Variants in SYT14 observed in about 807,000 individuals in gnomAD.
SYT14 encodes synaptotagmin-14.
In SYT14, 32 loss-of-function variants were observed where a neutral mutation model predicts 74.2. The ratio of observed to expected loss-of-function variants is 0.43; its 90% CI spans 0.33 to 0.58. SYT14 has a LOEUF of 0.58. Among genes scored for constraint, SYT14 ranks in the 20% least tolerant of loss-of-function variants. The pLI is 0.05. For missense variants in SYT14, 791 were observed against 981.8 expected (o/e 0.81, Z 2.60); for synonymous variants, 298 against 337.7 (o/e 0.88, Z 1.29).
chr1:209,970,699 T>TG (rs2079239924), intron 2 of SYT14, among the ~76,000 whole-genome samples: 1 of 95,848 alleles, frequency 1.0e-5, no homozygotes, highest in Non-Finnish European at 2.0e-5. Context: ...TTTTTTTTTT[T>TG]TTGAGGCAGA....
chr1:210,076,087 A>G (rs1013097963), intron 5 of SYT14, among the ~76,000 whole-genome samples: 3 of 152,132 alleles, frequency 2.0e-5, no homozygotes, highest in East Asian at 1.9e-4. Context: ...TTGAGATATT[A>G]CTCTGTAGAC....
chr1:210,160,663 C>A, intron 9 of SYT14, 66 bp from the exon 9 acceptor site: 2 of 1,367,988 alleles, frequency 1.5e-6, no homozygotes, highest in Non-Finnish European at 2.0e-6. Flanking sequence ...TTTTCTTAGC[C>A]TATAAAAAAT....
At chr1:210,102,681 T>C (rs998174130) in intron 7 of SYT14, among the ~76,000 whole-genome samples, 8 of 152,024 alleles carry the variant, frequency 5.3e-5, no homozygotes, top group Admixed American at 3.3e-4. Context: ...TTGCTTTTTT[T>C]CCCCAGAGTC....
chr1:210,037,987 T>C (rs2080705619), intron 5 of SYT14, among the ~76,000 whole-genome samples: 1 of 152,038 alleles, frequency 6.6e-6, no homozygotes, highest in Admixed American at 6.6e-5. Flanking sequence ...TTCAGTGTTT[T>C]TCTTTGTTGA....
intron 7 of SYT14, among the ~76,000 whole-genome samples, chr1:210,106,375 G>A (rs983561352): frequency 1.3e-5 from 2 of 152,156 alleles, no homozygotes; most frequent in African/African-American, 2.4e-5. Flanking sequence ...CCATCAGTCA[G>A]TCATTGCATG....
At chr1:210,007,128 A>T (rs1024228034) in intron 2 of SYT14, among the ~76,000 whole-genome samples, 1 of 151,874 alleles carries the variant, frequency 6.6e-6, no homozygotes, top group African/African-American at 2.4e-5. Flanking sequence ...ATTTTAAAAA[A>T]TTGGTATTTT....
At chr1:209,967,207 T>C (rs1204311352) in intron 2 of SYT14, among the ~76,000 whole-genome samples, 1 of 152,032 alleles carries the variant, frequency 6.6e-6, no homozygotes, top group African/African-American at 2.4e-5. Flanking sequence ...ATTGTTGGAG[T>C]GGATTTGCTA....
At chr1:210,003,909 TTC>T (rs910613658) in intron 2 of SYT14, among the ~76,000 whole-genome samples, 2 of 152,102 alleles carry the variant, frequency 1.3e-5, no homozygotes, top group African/African-American at 4.8e-5. Context: ...CAAATGCTGT[TTC>T]TGTTTGTTTT....
At chr1:210,027,412 T>TC (rs976627051) in intron 5 of SYT14, among the ~76,000 whole-genome samples, 4 of 144,640 alleles carry the variant, frequency 2.8e-5, no homozygotes, top group African/African-American at 1.0e-4. Context: ...GAGACCCTGT[T>TC]CCCAAAAAAA....
intron 2 of SYT14, among the ~76,000 whole-genome samples, chr1:210,003,622 A>G (rs906202699): frequency 2.6e-5 from 4 of 152,088 alleles, no homozygotes; most frequent in Admixed American, 2.6e-4. Flanking sequence ...AAAAAAGACA[A>G]GTTTTTGGTC....
chr1:210,067,787 A>G (rs1279755288), intron 5 of SYT14, among the ~76,000 whole-genome samples: 1 of 151,934 alleles, frequency 6.6e-6, no homozygotes, highest in East Asian at 1.9e-4. Flanking sequence ...AAAGCTGATA[A>G]TATAGAAATG....
chr1:210,038,432 G>T (rs562297977), intron 5 of SYT14, among the ~76,000 whole-genome samples: 1 of 152,142 alleles, frequency 6.6e-6, no homozygotes, highest in South Asian at 2.1e-4. Flanking sequence ...GATTAATATT[G>T]ATATGTAGGG....
intron 5 of SYT14, among the ~76,000 whole-genome samples, chr1:210,033,904 A>G (rs1405607927): frequency 1.3e-5 from 2 of 151,776 alleles, no homozygotes; most frequent in Non-Finnish European, 3.0e-5. Context: ...CTTGTTTCTC[A>G]AAGAAAGAAT....
chr1:210,169,221 GTTTTTT>G (rs35974726), exon 10 of SYT14: 8 of 50,238 alleles, frequency 1.6e-4, no homozygotes, highest in African/African-American at 4.7e-4. Context: ...TGTTTTTGGT[GTTTTTT>G]TTTTTTTTTT....
At chr1:210,014,285 A>G (rs1301224867) in intron 3 of SYT14, among the ~76,000 whole-genome samples, 3 of 152,048 alleles carry the variant, frequency 2.0e-5, no homozygotes, top group Non-Finnish European at 4.4e-5. Context: ...TAATTTATAT[A>G]TAAATTCCGA....
chr1:209,992,431 CAG>C lies in SYT14; in HGVS notation c.-485-21200_-485-21199del, dbSNP rs557579747. On this transcript the variant is annotated intron_variant, in intron 2 of 9. Transcript: ENST00000637265. ...TATTTTAAGTGAAATAACTAAAAAA[CAG>C]AAAGTCAGATGCTGCATGTTCTCAT... is the stretch of plus-strand genomic sequence containing the variant. Among the ~76,000 whole-genome samples the C allele has an allele frequency of 1.3e-3, 199 of 152,250 alleles. 1 individual carries two copies. Among genetic ancestry groups the C allele is most frequent in the African/African-American group, 4.5e-3 (189 of 41,558 alleles).
rs554028754 is a variant in SYT14 at position 210,094,234 on chromosome 1, G to A, written c.1313-88G>A. ...ATGTTGCCATCAATTTTTTGATCCAGTTTTCAAAAGTTATTTACAATTATT... is the reference window on the plus strand; with the variant it reads ...ATGTTGCCATCAATTTTTTGATCCAATTTTCAAAAGTTATTTACAATTATT... On this transcript the variant is annotated intron_variant, in intron 5 of 9. Coordinates refer to ENST00000637265, the Ensembl canonical transcript of SYT14. 1.3e-5 allele frequency: 21 copies of A among 1,576,256 alleles called. 1 individual carries two copies. In the South Asian group the frequency reaches 2.4e-4, roughly 18 times the overall value.
At chr1:209,943,848 G>A (rs1426732210) in intron 1 of SYT14, among the ~76,000 whole-genome samples, 2 of 152,090 alleles carry the variant, frequency 1.3e-5, no homozygotes. Context: ...ACGCTTTTGA[G>A]TAAAATGATT....
intron 7 of SYT14, among the ~76,000 whole-genome samples, chr1:210,113,168 C>T (rs543719433): frequency 6.6e-6 from 1 of 151,340 alleles, no homozygotes; most frequent in East Asian, 1.9e-4. Flanking sequence ...CAGCCCTGCA[C>T]TTCGGCTGTG....
Sources: gnomAD v4.1 joint callset for allele counts (sites outside exome capture counted in the v4.1 genomes callset) on GRCh38, gnomAD v4.1.1 for gene constraint, MANE v1.5 for transcripts, NCBI Gene and HGNC (gene_info 2026-07-23, HGNC 2026-07-21) for gene names.